Variants in LHX4 observed in about 807,000 individuals in gnomAD.
LHX4 encodes LIM/homeobox protein Lhx4.
Under a neutral mutation model 39.2 loss-of-function variants are expected in LHX4, and 16 were observed. That is an observed-to-expected ratio of 0.41 (90% confidence interval 0.28 to 0.62). The LOEUF is 0.62. Ranked by LOEUF, LHX4 falls within the 20% of genes least tolerant of loss-of-function variation. The pLI is 0.33. For synonymous variants in LHX4, 206 were observed against 198.1 expected, an observed-to-expected ratio of 1.04 and a Z score of -0.33; for missense variants, 439 against 511.9, an observed-to-expected ratio of 0.86 and a Z score of 1.37.
chr1:180,255,519 C>CT (rs1647816422), intron 2 of LHX4, among the ~76,000 whole-genome samples: 1 of 152,258 alleles, frequency 6.6e-6, no homozygotes, highest in African/African-American at 2.4e-5. Context: ...AATTTCCTCG[C>CT]TAAGCAAATT....
At position 180,266,134 on chromosome 1, in the gene LHX4, G is replaced by A. The variant is rs1196296183; in HGVS notation, c.249-258G>A. On this transcript the variant is annotated intron_variant, in intron 2 of 5. Coordinates refer to ENST00000263726, the MANE Select transcript of LHX4 (RefSeq NM_033343.4). The surrounding 1 kb of genome is among the most constrained non-coding windows in gnomAD (Gnocchi z 5.7). ...TTAATCGGGCAGCTGGAATCCGGGG[G>A]CATCAGCTTTGGAAAAGGTACCTGA... 6.6e-6 allele frequency among the ~76,000 whole-genome samples: 1 copy of A among 152,150 alleles called. No homozygotes were observed. The highest frequency in any genetic ancestry group is 2.4e-5 in the African/African-American group (1 of 41,428).
In LHX4 at chr1:180,230,669, C is replaced by T. The variant is rs1333576782; in HGVS notation, c.76+64C>T. ...AGACAGCTAGCAGCCTCAGCCGCTG[C>T]GGGGCGGGCCGGACGCCGCTCAGGG... On this transcript the variant is annotated intron_variant, in intron 1 of 5. Coordinates refer to ENST00000263726, the MANE Select transcript of LHX4 (RefSeq NM_033343.4). This position sits in a 1 kb window ranked among gnomAD's most constrained non-coding sequence, Gnocchi z 5.8. 1.2e-5 allele frequency: 18 copies of T among 1,480,280 alleles called. No individual in the cohort carries two copies. The highest frequency in any genetic ancestry group is 1.5e-5 in the Non-Finnish European group (16 of 1,065,224). The allele number at this position is 1,480,280 out of a possible 1,614,324, so 91.7% of individuals were successfully genotyped here. A position where few individuals can be genotyped will look rare whatever the true frequency, so the allele number is the denominator to read the frequency against.
At chr1:180,244,540 T>A (rs1273285321) in intron 1 of LHX4, among the ~76,000 whole-genome samples, 1 of 152,236 alleles carries the variant, frequency 6.6e-6, no homozygotes, top group Non-Finnish European at 1.5e-5. Flanking sequence ...GTATTCTCTC[T>A]TGAATACTCA....
chr1:180,233,126 G>T (rs185811093), intron 1 of LHX4, among the ~76,000 whole-genome samples: 1 of 152,362 alleles, frequency 6.6e-6, no homozygotes, highest in Admixed American at 6.5e-5. Flanking sequence ...TTCGGCGGCA[G>T]CTGGACTATT....
chr1:180,275,239 T>C lies in LHX4; in HGVS notation c.*660T>C, dbSNP rs562301427. Reference sequence around the variant, plus strand: ...GTTTTTAAGTGTCCCATCTATATCATTGACTCTGATGGCAAGAGGTGGTTT... The same window carrying C: ...GTTTTTAAGTGTCCCATCTATATCACTGACTCTGATGGCAAGAGGTGGTTT... On this transcript the variant is annotated 3_prime_UTR_variant, in exon 6 of 6. Transcript: ENST00000263726. 1.1e-4 allele frequency: 17 copies of C among 152,360 alleles called. No individual in the cohort carries two copies. Among genetic ancestry groups the C allele is most frequent in the Non-Finnish European group, 2.2e-4 (15 of 68,038 alleles). The allele number at this position is 152,360 out of a possible 1,614,324, so 9.4% of individuals were successfully genotyped here. A position where few individuals can be genotyped will look rare whatever the true frequency, so the allele number is the denominator to read the frequency against.
intron 2 of LHX4, among the ~76,000 whole-genome samples, chr1:180,258,181 A>G (rs1389115878): frequency 1.3e-5 from 2 of 152,170 alleles, no homozygotes; most frequent in East Asian, 1.9e-4. Context: ...GCATCTACTG[A>G]GATGAGTGCT....
chr1:180,240,902 C>G (rs1664430215), intron 1 of LHX4, among the ~76,000 whole-genome samples: 1 of 152,192 alleles, frequency 6.6e-6, no homozygotes, highest in East Asian at 1.9e-4. Flanking sequence ...TGAGGGCTGG[C>G]TATCACGTTG....
In LHX4 at chr1:180,278,973, A is replaced by T. The variant is rs1004854642; in HGVS notation, c.*4394A>T. ...GTAAAATTATGTAAAATAAATATGG[A>T]AATTCTTTAGATGCTGATGTGTCTT... On this transcript the variant is annotated 3_prime_UTR_variant, in exon 6 of 6. Coordinates refer to ENST00000263726, the MANE Select transcript of LHX4 (RefSeq NM_033343.4). 2 of 152,188 alleles carry T rather than the reference A, an allele frequency of 1.3e-5. No individual in the cohort carries two copies. Among genetic ancestry groups the T allele is most frequent in the African/African-American group, 4.8e-5 (2 of 41,444 alleles). 9.4% of individuals were successfully genotyped at this position (152,188 alleles called of 1,614,324 possible).
At chr1:180,263,055 G>A (rs562234072) in intron 2 of LHX4, among the ~76,000 whole-genome samples, 1 of 152,332 alleles carries the variant, frequency 6.6e-6, no homozygotes, top group East Asian at 1.9e-4. Context: ...TGCCCTTGGT[G>A]CCCCTGCATG....
intron 1 of LHX4, among the ~76,000 whole-genome samples, chr1:180,243,827 T>C (rs1282612916): frequency 6.6e-6 from 1 of 152,210 alleles, no homozygotes; most frequent in Non-Finnish European, 1.5e-5. Context: ...AGTGGTCTTA[T>C]AATCCCTTGT....
intron 1 of LHX4, among the ~76,000 whole-genome samples, chr1:180,233,397 G>T (rs971859607): frequency 6.6e-6 from 1 of 152,170 alleles, no homozygotes. Flanking sequence ...TGTCCCTACG[G>T]CCCGCACCGA....
chr1:180,274,505 A>G lies in LHX4; in HGVS notation c.1099A>G (p.Ser367Gly). 1.9e-6 allele frequency: 3 copies of G among 1,613,288 alleles called. No individual in the cohort carries two copies. The highest frequency in any genetic ancestry group is 4.5e-5 in the East Asian group (2 of 44,878). ...ACCCACCTCTGACATCTCCACAGGA[A>G]GCAGTGTAGGCTATCCCGACTTTCC... ...GGPTSDISTGSSVGYPDFPTS... is the reference protein window; with the variant it reads ...GGPTSDISTGGSVGYPDFPTS... The change falls in exon 6 of 6, where the codon AGC (serine) becomes GGC (glycine). Residue 367 changes from serine to glycine, a missense_variant. Ser to Gly is a moderately conservative substitution (Grantham distance 56). Transcript: ENST00000263726.
chr1:180,237,938 T>G (rs949924761), intron 1 of LHX4, among the ~76,000 whole-genome samples: 1 of 152,246 alleles, frequency 6.6e-6, no homozygotes, highest in African/African-American at 2.4e-5. Context: ...GAAATAGACG[T>G]GTCTACAACA....
In LHX4 at chr1:180,271,404, G is replaced by A. The variant is rs1274548296; in HGVS notation, c.476G>A (p.Arg159Gln). 1.2e-6 allele frequency: 2 copies of A among 1,614,156 alleles called. No individual in the cohort carries two copies. Among genetic ancestry groups the A allele is most frequent in the Non-Finnish European group, 1.7e-6 (2 of 1,180,030 alleles). Reference protein sequence around the residue: ...QNDDSEAGAKRPRTTITAKQL... With the variant: ...QNDDSEAGAKQPRTTITAKQL... ...GATGACTCAGAGGCTGGAGCTAAGCGGCCCCGGACCACCATCACAGCCAAG... is the reference window on the plus strand; with the variant it reads ...GATGACTCAGAGGCTGGAGCTAAGCAGCCCCGGACCACCATCACAGCCAAG... The change falls in exon 4 of 6, where the codon CGG becomes CAG. Residue 159 changes from arginine (R) to glutamine (Q), a missense_variant. Coordinates refer to ENST00000263726, the MANE Select transcript of LHX4 (RefSeq NM_033343.4).
intron 2 of LHX4, among the ~76,000 whole-genome samples, chr1:180,253,863 C>A (rs1647731472): frequency 6.6e-6 from 1 of 152,152 alleles, no homozygotes. Context: ...GAGAGCTTCC[C>A]ATGGAGATGA....
chr1:180,233,953 TC>T (rs1664241797), intron 1 of LHX4, among the ~76,000 whole-genome samples: 7 of 151,432 alleles, frequency 4.6e-5, no homozygotes, highest in Admixed American at 3.9e-4. Context: ...CTGGGGCTCC[TC>T]CGGGGTGCGT....
chr1:180,267,480 G>A (rs1215440705), intron 3 of LHX4, among the ~76,000 whole-genome samples: 1 of 152,254 alleles, frequency 6.6e-6, no homozygotes, highest in East Asian at 1.9e-4. Flanking sequence ...CAAAGCCAAG[G>A]TGGACACTTT....
At chr1:180,249,924 AGT>A (rs1019012867) in intron 2 of LHX4, among the ~76,000 whole-genome samples, 10 of 150,630 alleles carry the variant, frequency 6.6e-5, no homozygotes, top group African/African-American at 1.2e-4. Flanking sequence ...TGTGTGTGAG[AGT>A]GTGTGTGGGT....
chr1:180,244,164 G>A (rs897505773), intron 1 of LHX4, among the ~76,000 whole-genome samples: 4 of 152,190 alleles, frequency 2.6e-5, no homozygotes, highest in East Asian at 3.8e-4. Flanking sequence ...TGATGCCTGC[G>A]TGTATTACTG....
Sources: gnomAD v4.1 joint callset for allele counts (sites outside exome capture counted in the v4.1 genomes callset) on GRCh38, gnomAD v4.1.1 for gene constraint, Gnocchi (gnomAD v3.1) non-coding constraint, MANE v1.5 for transcripts, NCBI Gene and HGNC (gene_info 2026-07-23, HGNC 2026-07-21) for gene names.